Variants in SHANK2 observed in about 807,000 individuals in gnomAD.
SHANK2 encodes the protein SH3 and multiple ankyrin repeat domains 2.
SHANK2 carries 43 observed loss-of-function variants against 133.7 expected under a neutral mutation model. The observed-to-expected ratio is 0.32, with a 90% CI of 0.25 to 0.41. The LOEUF is 0.41. Ranked by LOEUF, SHANK2 falls within the 10% of genes least tolerant of loss-of-function variation. The probability of loss-of-function intolerance (pLI) is 1.00; values close to 1 mark genes in which losing one functional copy is unlikely to be tolerated. For missense variants in SHANK2, 1,994 were observed against 2,235.8 expected (o/e 0.89, Z 2.18); for synonymous variants, 1,017 against 952.8 (o/e 1.07, Z -1.24).
At chr11:71,197,257 G>A (rs782491412) in intron 2 of SHANK2, among the ~76,000 whole-genome samples, 3 of 151,950 alleles carry the variant, frequency 2.0e-5, no homozygotes, top group Admixed American at 6.5e-5. Context: ...CCCAGTGTCC[G>A]GCCTGAGCAC....
At chr11:70,772,105 A>T (rs1565306001) in intron 14 of SHANK2, among the ~76,000 whole-genome samples, 1 of 152,130 alleles carries the variant, frequency 6.6e-6, no homozygotes, top group Non-Finnish European at 1.5e-5. Context: ...AGAACATTAC[A>T]CAAGCATGGG....
intron 17 of SHANK2, among the ~76,000 whole-genome samples, chr11:70,563,174 G>C (rs2059928983): frequency 6.6e-6 from 1 of 152,116 alleles, no homozygotes; most frequent in African/African-American, 2.4e-5. Context: ...TGGCCGGGTT[G>C]ATAATTTTTT....
intron 10 of SHANK2, among the ~76,000 whole-genome samples, chr11:70,909,475 C>A (rs529707873): frequency 6.6e-6 from 1 of 152,192 alleles, no homozygotes; most frequent in Non-Finnish European, 1.5e-5. Flanking sequence ...TTACCCAACA[C>A]GACACGCAGC....
chr11:70,834,018 C>T (rs1344447762), intron 11 of SHANK2, among the ~76,000 whole-genome samples: 2 of 152,226 alleles, frequency 1.3e-5, no homozygotes, highest in Non-Finnish European at 2.9e-5. Context: ...CAACTTAAAC[C>T]CTGGGCAAAA....
intron 2 of SHANK2, among the ~76,000 whole-genome samples, chr11:71,195,148 T>G (rs1953875505): frequency 6.6e-6 from 1 of 152,090 alleles, no homozygotes; most frequent in Admixed American, 6.5e-5. Flanking sequence ...ATCCCAGCAC[T>G]TTGGGAGGCT....
chr11:70,742,755 C>G (rs935566747), intron 14 of SHANK2, among the ~76,000 whole-genome samples: 2 of 152,190 alleles, frequency 1.3e-5, no homozygotes, highest in African/African-American at 4.8e-5. Flanking sequence ...GACTGGCTGC[C>G]GGAGATAAGA....
At chr11:70,651,321 C>G (rs1021577545) in intron 17 of SHANK2, among the ~76,000 whole-genome samples, 2 of 152,200 alleles carry the variant, frequency 1.3e-5, no homozygotes. Context: ...AGTTGCCGAG[C>G]TGCCCGCATC....
chr11:70,876,237 CAT>C (rs1555071253), intron 11 of SHANK2, among the ~76,000 whole-genome samples: 13 of 147,422 alleles, frequency 8.8e-5, no homozygotes, highest in African/African-American at 2.8e-4. Flanking sequence ...CACACACACA[CAT>C]ATAGACACAC....
intron 17 of SHANK2, among the ~76,000 whole-genome samples, chr11:70,610,397 G>A (rs183390153): frequency 6.6e-6 from 1 of 152,180 alleles, no homozygotes; most frequent in East Asian, 1.9e-4. Flanking sequence ...CTAATGTTGT[G>A]ACCTGCTCCT....
intron 17 of SHANK2, among the ~76,000 whole-genome samples, chr11:70,585,964 T>C (rs1748613104): frequency 6.6e-6 from 1 of 151,914 alleles, no homozygotes; most frequent in African/African-American, 2.4e-5. Context: ...ATCCAACAGC[T>C]ATCTGAACTG....
intron 17 of SHANK2, among the ~76,000 whole-genome samples, chr11:70,536,218 G>A (rs1359878454): frequency 2.0e-5 from 3 of 152,226 alleles, no homozygotes. Flanking sequence ...GCCCTGTGTG[G>A]TCTGAGCGGA....
intron 3 of SHANK2, among the ~76,000 whole-genome samples, chr11:71,129,537 C>A (rs543731507): frequency 6.6e-6 from 1 of 152,288 alleles, no homozygotes; most frequent in Admixed American, 6.5e-5. Context: ...CCCAGCTACT[C>A]TGGAGGCTGA....
At chr11:70,763,427 G>A (rs1555040661) in intron 14 of SHANK2, among the ~76,000 whole-genome samples, 1 of 152,172 alleles carries the variant, frequency 6.6e-6, no homozygotes, top group Non-Finnish European at 1.5e-5. Flanking sequence ...GAGTGGATGT[G>A]GGTGAAGCAT....
At chr11:70,519,989 CT>C (rs1308861548) in intron 17 of SHANK2, among the ~76,000 whole-genome samples, 9 of 150,028 alleles carry the variant, frequency 6.0e-5, no homozygotes, top group African/African-American at 2.0e-4. Flanking sequence ...CTCAAGCAAT[CT>C]GCCTGCCTCA....
intron 2 of SHANK2, among the ~76,000 whole-genome samples, chr11:71,161,509 G>T (rs2135465030): frequency 6.6e-6 from 1 of 152,274 alleles, no homozygotes; most frequent in East Asian, 1.9e-4. Flanking sequence ...CTACCTGTAA[G>T]CTTCTTCCAC....
intron 17 of SHANK2, among the ~76,000 whole-genome samples, chr11:70,606,445 G>T (rs1458007589): frequency 6.7e-6 from 1 of 149,084 alleles, no homozygotes; most frequent in South Asian, 2.1e-4. Flanking sequence ...ACCCGGGGGT[G>T]GGGGGGTGTC....
chr11:70,703,445 A>T (rs1945586327), intron 14 of SHANK2, among the ~76,000 whole-genome samples: 1 of 152,166 alleles, frequency 6.6e-6, no homozygotes, highest in South Asian at 2.1e-4. Flanking sequence ...TAACCTGGAA[A>T]AAGCGGGGTG....
rs2058597050 is a variant in SHANK2, at chr11:70,471,434, A to T, written c.*1435T>A. The T allele has an allele frequency of 2.5e-6, 1 of 398,758 alleles. No homozygotes were observed. Among genetic ancestry groups the T allele is most frequent in the South Asian group, 1.3e-4 (1 of 7,844 alleles). The allele number at this position is 398,758 out of a possible 1,614,324, so 24.7% of individuals were successfully genotyped here. A position where few individuals can be genotyped will look rare whatever the true frequency, so the allele number is the denominator to read the frequency against. On this transcript the variant is annotated 3_prime_UTR_variant, in exon 26 of 26. Transcript: ENST00000601538. The surrounding 1 kb of genome is among the most constrained non-coding windows in gnomAD (Gnocchi z 4.1). ...ATGTGCATCTGGTGACCTCTTTTGG[A>T]AATTCGAGGTATTGTTATGGGGTGG... is the stretch of plus-strand genomic sequence containing the variant.
chr11:70,568,651 C>CCG (rs1554982469), intron 17 of SHANK2, among the ~76,000 whole-genome samples: 1 of 117,614 alleles, frequency 8.5e-6, no homozygotes, highest in African/African-American at 3.0e-5. Flanking sequence ...TTCCTGCCCC[C>CCG]CCCGCCCACT....
Sources: allele counts gnomAD v4.1 joint callset (sites outside exome capture counted in the v4.1 genomes callset), GRCh38; gene constraint gnomAD v4.1.1; non-coding constraint Gnocchi (gnomAD v3.1); transcripts MANE v1.5; gene names NCBI Gene and HGNC (gene_info 2026-07-23, HGNC 2026-07-21).